The following WDR59 variants were observed in gnomAD, a reference collection of about 807,000 sequenced individuals.
WDR59 encodes WD repeat domain 59, also known as GATOR2 complex protein WDR59.
A neutral mutation model predicts 131.2 loss-of-function variants in WDR59; 100 were observed. The observed-to-expected ratio is 0.76, with a 90% confidence interval of 0.65 to 0.90. The LOEUF (loss-of-function observed/expected upper bound fraction) is 0.90, where lower values mean the gene tolerates loss of function less well. Ranked by LOEUF, WDR59 falls within the 40% of genes least tolerant of loss-of-function variation. The pLI, the probability that WDR59 is intolerant of heterozygous loss-of-function variation, is 0.00. For synonymous variants in WDR59, 601 were observed against 466.2 expected (o/e 1.29, Z -3.72); for missense variants, 1,203 against 1,262.2 (o/e 0.95, Z 0.71).
chr16:74,894,914 C>T (rs531525520), intron 18 of WDR59, among the ~76,000 whole-genome samples: 1 of 152,258 alleles, frequency 6.6e-6, no homozygotes, highest in African/African-American at 2.4e-5. Flanking sequence ...AAAGTGTACT[C>T]TAGAAACATG....
At chr16:74,935,427 CT>C (rs1245880700) in intron 8 of WDR59, among the ~76,000 whole-genome samples, 2 of 151,474 alleles carry the variant, frequency 1.3e-5, no homozygotes, top group African/African-American at 2.4e-5. Context: ...TCTTTTCTTT[CT>C]TCTTGATCTA....
intron 17 of WDR59, among the ~76,000 whole-genome samples, chr16:74,907,474 G>T (rs1249813543): frequency 1.3e-5 from 2 of 152,086 alleles, no homozygotes; most frequent in African/African-American, 4.8e-5. Flanking sequence ...TTCGCCTGCC[G>T]CCATGTAAGA....
intron 7 of WDR59, among the ~76,000 whole-genome samples, chr16:74,940,980 A>T (rs1312727811): frequency 6.6e-6 from 1 of 151,940 alleles, no homozygotes; most frequent in Non-Finnish European, 1.5e-5. Flanking sequence ...CTGGGATTAC[A>T]GGTGTGAGCC....
chr16:74,909,401 T>G (rs890294860), intron 16 of WDR59, 100 bp downstream of exon 16: 15 of 1,397,718 alleles, frequency 1.1e-5, no homozygotes, highest in Non-Finnish European at 1.4e-5. Flanking sequence ...TTCTCGGGAG[T>G]AAAAGCAAAC....
intron 3 of WDR59, among the ~76,000 whole-genome samples, chr16:74,953,209 T>C (rs6564186): frequency 0.55 from 83,820 of 152,030 alleles, 24,226 homozygotes; most frequent in East Asian, 0.76. Context: ...CAGTGGCTCA[T>C]GCCTGTAATC....
chr16:74,963,673 CA>C (rs2033653180), intron 2 of WDR59, among the ~76,000 whole-genome samples: 1 of 152,118 alleles, frequency 6.6e-6, no homozygotes, highest in Non-Finnish European at 1.5e-5. Context: ...ATAGGTGCAG[CA>C]AACCACCATA....
Position 74,885,696 on chromosome 16 carries a change from C to A in WDR59, c.2646G>T (p.Val882=), listed in dbSNP as rs148977214. The A allele has an allele frequency of 1.2e-6, 2 of 1,614,130 alleles. No individual in the cohort carries two copies. Among genetic ancestry groups the A allele is most frequent in the East Asian group, 4.5e-5 (2 of 44,882 alleles). The change falls in exon 25 of 26, where the codon GTG becomes GTT. Residue 882 remains valine (V), a synonymous_variant. Transcript: ENST00000262144. ...CAGGAGGACAGGAGACAAACTTCAACACTTCAGCTCGCTTCTCTCTCAGAC... is the reference window on the plus strand; with the variant it reads ...CAGGAGGACAGGAGACAAACTTCAAAACTTCAGCTCGCTTCTCTCTCAGAC... The part of the protein sequence containing the change: ...RWGLREKRAE[V]LKFVSCPPDP...
chr16:74,945,280 T>C (rs1367835070), intron 6 of WDR59, among the ~76,000 whole-genome samples: 2 of 151,236 alleles, frequency 1.3e-5, no homozygotes, highest in Non-Finnish European at 2.9e-5. Flanking sequence ...ATCGAGACCA[T>C]CCTGGCTAAC....
chr16:74,951,330 C>G, intron 4 of WDR59, 128 bp downstream of exon 4: 1 of 895,042 alleles, frequency 1.1e-6, no homozygotes, highest in Non-Finnish European at 1.8e-6. Flanking sequence ...GCTAATAACC[C>G]GCTGACCACC....
intron 1 of WDR59, among the ~76,000 whole-genome samples, chr16:74,981,660 A>ATTTTTTTTTTTTTTTTTTTTT (rs1181233727): frequency 3.7e-5 from 3 of 80,864 alleles, no homozygotes; most frequent in African/African-American, 2.2e-4. Flanking sequence ...ATATATATAT[A>ATTTTTTTTTTTTTTTTTTTTT]TTTTTTTTTT....
At chr16:74,886,575 G>C in intron 23 of WDR59, 179 bp from the exon 24 acceptor site, 3 of 722,434 alleles carry the variant, frequency 4.2e-6, no homozygotes, top group South Asian at 4.8e-5. Flanking sequence ...TTTTTGCGCA[G>C]GTATTTATTA....
At chr16:74,889,610 C>A in intron 21 of WDR59, 93 bp downstream of exon 21, 2 of 963,402 alleles carry the variant, frequency 2.1e-6, no homozygotes, top group Non-Finnish European at 3.2e-6. Context: ...CCTCGGGCCT[C>A]TGCACCTTTC....
chr16:74,903,832 C>A, intron 18 of WDR59, 115 bp downstream of exon 18: 1 of 1,293,202 alleles, frequency 7.7e-7, no homozygotes, highest in Non-Finnish European at 1.0e-6. Context: ...AAACTGATTA[C>A]GAAAGTGAAA....
At chr16:74,940,109 T>G (rs918611061) in intron 7 of WDR59, among the ~76,000 whole-genome samples, 1 of 152,164 alleles carries the variant, frequency 6.6e-6, no homozygotes, top group African/African-American at 2.4e-5. Context: ...CCAGGCGCAG[T>G]GGCTCACGCC....
Position 74,885,663 on chromosome 16 carries a change from G to GT in WDR59, c.2678dup (p.His893GlnfsTer16). The GT allele has an allele frequency of 6.2e-7, 1 of 1,613,964 alleles. No homozygotes were observed. Among genetic ancestry groups the GT allele is most frequent in the Non-Finnish European group, 8.5e-7 (1 of 1,179,964 alleles). On this transcript the variant is annotated frameshift_variant, in exon 25 of 26. Transcript: ENST00000262144. LOFTEE classifies it high-confidence loss of function. ...GAAATTCATACTCACCGATCCCTTT[G>GT]TGAGGGTCAGGAGGACAGGAGACAA...
intron 6 of WDR59, among the ~76,000 whole-genome samples, chr16:74,947,834 G>A (rs1055246920): frequency 2.0e-5 from 3 of 152,194 alleles, no homozygotes; most frequent in Admixed American, 6.5e-5. Context: ...ACTTCGGGAG[G>A]CCAAGGCAGG....
chr16:74,960,171 A>G (rs888706323), intron 2 of WDR59, among the ~76,000 whole-genome samples: 13 of 151,960 alleles, frequency 8.6e-5, no homozygotes, highest in Admixed American at 5.9e-4. Flanking sequence ...TTCTACTAAA[A>G]TACAAAAAAG....
intron 25 of WDR59, among the ~76,000 whole-genome samples, chr16:74,883,216 G>T (rs1255939916): frequency 6.6e-6 from 1 of 151,620 alleles, no homozygotes; most frequent in African/African-American, 2.4e-5. Flanking sequence ...GTAGAGATGG[G>T]GTTTCACCAT....
At position 74,899,650 on chromosome 16, in the gene WDR59, G is replaced by A. The variant is rs1478183656; in HGVS notation, c.1866+4297C>T. ...GGTGGCATTTTATTCTTGGGCCTCG[G>A]GTAGAGACAGGATTAGTTAAGGAGA... is the stretch of plus-strand genomic sequence containing the variant. On this transcript the variant is annotated intron_variant, in intron 18 of 25. Coordinates refer to ENST00000262144, the MANE Select transcript of WDR59 (RefSeq NM_030581.4). 4 of 1,275,698 alleles carry A rather than the reference G, an allele frequency of 3.1e-6. No individual in the cohort carries two copies. In the South Asian group the frequency reaches 5.0e-5, roughly 16 times the overall value. 79.0% of individuals were successfully genotyped at this position (1,275,698 alleles called of 1,614,324 possible).
Sources: gnomAD v4.1 joint callset for allele counts (sites outside exome capture counted in the v4.1 genomes callset) on GRCh38, gnomAD v4.1.1 for gene constraint, MANE v1.5 for transcripts, NCBI Gene and HGNC (gene_info 2026-07-23, HGNC 2026-07-21) for gene names.